ACE: variants seen among roughly 807,000 people sequenced by gnomAD.
ACE encodes the protein angiotensin-converting enzyme.
ACE carries 122 observed loss-of-function variants against 162.3 expected under a neutral mutation model. That is an observed-to-expected ratio of 0.75 (90% confidence interval 0.65 to 0.87). The LOEUF (loss-of-function observed/expected upper bound fraction) is 0.87, where lower values mean the gene tolerates loss of function less well. ACE is among the 40% of genes least tolerant of loss of function. The pLI, the probability that ACE is intolerant of heterozygous loss-of-function variation, is 0.00. For missense variants in ACE, 1,799 were observed against 1,735.1 expected (o/e 1.04, Z -0.65); for synonymous variants, 796 against 720.6 (o/e 1.10, Z -1.68).
chr17:63,491,026 A>T lies in ACE; in HGVS notation c.2714A>T (p.Asp905Val), dbSNP rs745987517. 6.2e-7 allele frequency: 1 copy of T among 1,614,166 alleles called. No homozygotes were observed. The highest frequency in any genetic ancestry group is 1.7e-5 in the Admixed American group (1 of 60,024). Reference protein sequence around the residue: ...VVPFPSAPSMDTTEAMLKQGW... With the variant: ...VVPFPSAPSMVTTEAMLKQGW... ...CCCTTCCCTTCAGCCCCCTCGATGG[A>T]CACCACAGAGGCTATGCTAAAGCAG... The change falls in exon 18 of 25, where the codon GAC becomes GTC. Residue 905 changes from aspartate (D) to valine (V), a missense_variant. Transcript: ENST00000290866. The surrounding 1 kb of genome is among the most constrained non-coding windows in gnomAD (Gnocchi z 4.4).
At position 63,484,864 on chromosome 17, in the gene ACE, G is replaced by A. The variant is rs1243767567; in HGVS notation, c.1921+323G>A. On this transcript the variant is annotated intron_variant, in intron 12 of 24. Coordinates refer to ENST00000290866, the MANE Select transcript of ACE (RefSeq NM_000789.4). The surrounding 1 kb of genome is among the most constrained non-coding windows in gnomAD (Gnocchi z 4.0). ...TAGCTGCAGGACTCTGCTCTCCTGCGGCCATGGGCCAGGGTTGGGCTACTG... is the reference window on the plus strand; with the variant it reads ...TAGCTGCAGGACTCTGCTCTCCTGCAGCCATGGGCCAGGGTTGGGCTACTG... 14 of 1,576,990 alleles carry A rather than the reference G, an allele frequency of 8.9e-6. No individual in the cohort carries two copies. The East Asian group carries it at 1.4e-4, about 16-fold the overall frequency.
chr17:63,487,020 A>G lies in ACE; in HGVS notation c.2252A>G (p.Tyr751Cys). The G allele has an allele frequency of 1.9e-6, 3 of 1,613,846 alleles. No homozygotes were observed. The highest frequency in any genetic ancestry group is 2.5e-6 in the Non-Finnish European group (3 of 1,179,974). The change falls in exon 15 of 25, where the codon TAC (tyrosine) becomes TGC (cysteine). Residue 751 changes from tyrosine to cysteine, a missense_variant. Tyr to Cys is a radical substitution (Grantham distance 194). Transcript: ENST00000290866. Reference sequence around the variant, plus strand: ...ATCCTGTTGGATATGGAAACCACCTACAGCGTGGCCACTGTGTGCCACCCG... The same window carrying G: ...ATCCTGTTGGATATGGAAACCACCTGCAGCGTGGCCACTGTGTGCCACCCG... ...NKILLDMETT[Y>C]SVATVCHPNG...
At position 63,497,411 on chromosome 17, in the gene ACE, G is replaced by T; in HGVS notation, c.*45G>T. On this transcript the variant is annotated 3_prime_UTR_variant, in exon 25 of 25. Coordinates refer to ENST00000290866, the MANE Select transcript of ACE (RefSeq NM_000789.4). ...CCCTGCCCAAGGGCCTCCCACCAGA[G>T]ACTGGGATGGGAACACTGGTGGGCA... 1 of 1,503,748 alleles carries T rather than the reference G, an allele frequency of 6.7e-7. No homozygotes were observed. Among genetic ancestry groups the T allele is most frequent in the Non-Finnish European group, 9.0e-7 (1 of 1,108,956 alleles). 93.2% of individuals were successfully genotyped at this position (1,503,748 alleles called of 1,614,324 possible).
rs149747354 is a variant in ACE, at chr17:63,484,722, C to G, written c.1921+181C>G. On this transcript the variant is annotated intron_variant, in intron 12 of 24. Transcript: ENST00000290866. The surrounding 1 kb of genome is among the most constrained non-coding windows in gnomAD (Gnocchi z 4.0). ...GAGTGGGGACAGGCATGTCTTTCCC[C>G]CAGCATCCTAGAGAGGGTGTGCTCA... The G allele has an allele frequency of 6.9e-7, 1 of 1,453,618 alleles. No individual in the cohort carries two copies. Among genetic ancestry groups the G allele is most frequent in the Admixed American group, 2.5e-5 (1 of 39,868 alleles). 90.0% of individuals were successfully genotyped at this position (1,453,618 alleles called of 1,614,324 possible). A position where few individuals can be genotyped will look rare whatever the true frequency, so the allele number is the denominator to read the frequency against.
Position 63,477,186 on chromosome 17 carries a change from A to G in ACE, c.92A>G (p.Asp31Gly). The G allele has an allele frequency of 1.4e-6, 2 of 1,472,874 alleles. No homozygotes were observed. The highest frequency in any genetic ancestry group is 1.8e-6 in the Non-Finnish European group (2 of 1,115,960). The allele number at this position is 1,472,874 out of a possible 1,614,324, so 91.2% of individuals were successfully genotyped here. ...CCGCCGCAGCCCGCCCTGGCGTTGG[A>G]CCCCGGGCTGCAGCCCGGCAACTTT... is the stretch of plus-strand genomic sequence containing the variant. Reference protein sequence around the residue: ...LLPPQPALALDPGLQPGNFSA... With the variant: ...LLPPQPALALGPGLQPGNFSA... Residue 31 changes from aspartate (D) to glycine (G), a missense_variant, in exon 1 of 25, where the codon GAC (aspartate) becomes GGC (glycine). Physicochemically the swap from Asp to Gly is moderately conservative, Grantham distance 94. Transcript: ENST00000290866.
rs12720754 is a variant in ACE at position 63,479,804 on chromosome 17, G to A, written c.547G>A (p.Ala183Thr). 529 of 1,613,334 alleles carry A rather than the reference G, an allele frequency of 3.3e-4. 2 individuals carry two copies. The African/African-American group carries it at 6.2e-3, about 19-fold the overall frequency. Residue 183 changes from alanine to threonine, a missense_variant, in exon 4 of 25, where the codon GCC (alanine) becomes ACC (threonine). Ala to Thr is a moderately conservative substitution (Grantham distance 58). Transcript: ENST00000290866. ...TNILASSRSY[A>T]MLLFAWEGWH... Reference sequence around the variant, plus strand: ...CATCCTGGCTTCCTCGCGAAGCTACGCCATGCTCCTGTTTGCCTGGGAGGG... The same window carrying A: ...CATCCTGGCTTCCTCGCGAAGCTACACCATGCTCCTGTTTGCCTGGGAGGG...
chr17:63,485,167 T>G, intron 12 of ACE, 69 bp from the exon 13 acceptor site: 1 of 1,609,972 alleles, frequency 6.2e-7, no homozygotes, highest in Non-Finnish European at 8.5e-7. Context: ...GATAATGGCT[T>G]CTGGTGAGAC....
Position 63,494,614 on chromosome 17 carries a change from A to C in ACE, c.3380+144A>C, listed in dbSNP as rs919937190. 6.2e-5 allele frequency: 45 copies of C among 724,876 alleles called. 2 individuals carry two copies. The South Asian group carries it at 6.8e-4, about 11-fold the overall frequency. The allele number at this position is 724,876 out of a possible 1,614,324, so 44.9% of individuals were successfully genotyped here. A position where few individuals can be genotyped will look rare whatever the true frequency, so the allele number is the denominator to read the frequency against. On this transcript the variant is annotated intron_variant, in intron 22 of 24. Transcript: ENST00000290866. ...CCGCACGGTGCAGGTGCCTGGGCCC[A>C]CTCACACTGCCAAGGCTGATGGGTT...
At position 63,496,510 on chromosome 17, in the gene ACE, G is replaced by A. The variant is rs201126192; in HGVS notation, c.3497G>A (p.Arg1166His). Reference protein sequence around the residue: ...DIYQSKEAGQRLATAMKLGFS... With the variant: ...DIYQSKEAGQHLATAMKLGFS... ...TACCAGTCCAAGGAGGCCGGGCAGC[G>A]CCTGGCGTGAGTGTCCTCCAGCCCT... The change falls in exon 23 of 25, where the codon CGC (arginine) becomes CAC (histidine). Residue 1166 changes from arginine to histidine, a missense_variant. By Grantham distance (29) the Arg-to-His change is conservative (BLOSUM62 0). Coordinates refer to ENST00000290866, the MANE Select transcript of ACE (RefSeq NM_000789.4). 122 of 1,614,108 alleles carry A rather than the reference G, an allele frequency of 7.6e-5. No homozygotes were observed. The highest frequency in any genetic ancestry group is 1.3e-4 in the East Asian group (6 of 44,882).
chr17:63,488,500 C>A, intron 15 of ACE, 148 bp from the exon 16 acceptor site: 1 of 351,050 alleles, frequency 2.8e-6, no homozygotes, highest in Non-Finnish European at 4.3e-6. Flanking sequence ...CACTCCCATC[C>A]TTTCTCCCAT....
rs2049646647 is a variant in ACE at position 63,477,978 on chromosome 17, G to A, written c.297G>A (p.Gln99=). The change falls in exon 2 of 25, where the codon CAG becomes CAA. Residue 99 remains glutamine, a synonymous_variant. Transcript: ENST00000290866. ...LSQEFAEAWG[Q]KAKELYEPIW... ...AGGAGTTTGCGGAGGCCTGGGGCCA[G>A]AAGGCCAAGGAGCTGTATGAACCGA... 6.2e-7 allele frequency: 1 copy of A among 1,612,204 alleles called. No homozygotes were observed. The highest frequency in any genetic ancestry group is 8.5e-7 in the Non-Finnish European group (1 of 1,179,530).
intron 13 of ACE, chr17:63,486,326 G>A: frequency 1.7e-6 from 1 of 595,706 alleles, no homozygotes; most frequent in Non-Finnish European, 3.0e-6. Context: ...TCTCTTCTCT[G>A]CCCCTGCCTG....
chr17:63,483,308 C>A (rs1251912633), intron 9 of ACE, 135 bp downstream of exon 9: 71 of 1,520,298 alleles, frequency 4.7e-5, no homozygotes, highest in Non-Finnish European at 5.9e-5. Flanking sequence ...ACCGCCTTCT[C>A]CTTTCCTGCC....
intron 14 of ACE, 99 bp downstream of exon 14, chr17:63,486,814 T>C: frequency 6.5e-7 from 1 of 1,544,360 alleles, no homozygotes; most frequent in African/African-American, 1.4e-5. Context: ...TTCCTCGTTG[T>C]ATCAAGTCAT....
At chr17:63,486,795 T>C in intron 14 of ACE, 80 bp downstream of exon 14, 1 of 1,574,548 alleles carries the variant, frequency 6.4e-7, no homozygotes, top group Non-Finnish European at 8.7e-7. Flanking sequence ...GCCTTCACGC[T>C]GCTTCCTCTT....
chr17:63,486,997 C>T lies in ACE; in HGVS notation c.2229C>T (p.Ile743=). The change falls in exon 15 of 25, where the codon ATC becomes ATT. Residue 743 remains isoleucine, a synonymous_variant. Coordinates refer to ENST00000290866, the MANE Select transcript of ACE (RefSeq NM_000789.4). ...PAQELEEYNK[I]LLDMETTYSV... is the part of the protein sequence containing the mutation. Reference sequence around the variant, plus strand: ...CCTTCCTCCTGCAGTACAACAAGATCCTGTTGGATATGGAAACCACCTACA... The same window carrying T: ...CCTTCCTCCTGCAGTACAACAAGATTCTGTTGGATATGGAAACCACCTACA... 1 of 1,613,722 alleles carries T rather than the reference C, an allele frequency of 6.2e-7. No homozygotes were observed. Among genetic ancestry groups the T allele is most frequent in the Non-Finnish European group, 8.5e-7 (1 of 1,179,822 alleles).
chr17:63,497,533 C>T lies in ACE; in HGVS notation c.*167C>T, dbSNP rs1055127783. 1.9e-5 allele frequency: 14 copies of T among 722,238 alleles called. No individual in the cohort carries two copies. The African/African-American group carries it at 2.4e-4, about 13-fold the overall frequency. The allele number at this position is 722,238 out of a possible 1,614,324, so 44.7% of individuals were successfully genotyped here. A position where few individuals can be genotyped will look rare whatever the true frequency, so the allele number is the denominator to read the frequency against. Reference sequence around the variant, plus strand: ...TCCTCCAGACCACCAGCCGCCCCAGCCCCTTCTCCCAGCACACGGCTGCCT... The same window carrying T: ...TCCTCCAGACCACCAGCCGCCCCAGTCCCTTCTCCCAGCACACGGCTGCCT... On this transcript the variant is annotated 3_prime_UTR_variant, in exon 25 of 25. Transcript: ENST00000290866.
chr17:63,477,422 C>A (rs1406026688), intron 1 of ACE, 79 bp downstream of exon 1: 3 of 1,107,632 alleles, frequency 2.7e-6, no homozygotes, highest in Non-Finnish European at 3.3e-6. Flanking sequence ...GTGGGGCGGG[C>A]AGGCTGGCGC....
intron 22 of ACE, among the ~76,000 whole-genome samples, chr17:63,495,459 G>C (rs1048278634): frequency 9.2e-5 from 14 of 152,172 alleles, no homozygotes; most frequent in African/African-American, 3.4e-4. Flanking sequence ...TTGCCTCCTG[G>C]CACCTGGGAT....
Sources: allele counts gnomAD v4.1 joint callset (sites outside exome capture counted in the v4.1 genomes callset), GRCh38; gene constraint gnomAD v4.1.1; non-coding constraint Gnocchi (gnomAD v3.1); transcripts MANE v1.5; gene names NCBI Gene and HGNC (gene_info 2026-07-23, HGNC 2026-07-21).